Variants in DNAI4 observed in about 807,000 individuals in gnomAD.
DNAI4 encodes dynein axonemal intermediate chain 4.
A neutral mutation model predicts 105.8 loss-of-function variants in DNAI4; 85 were observed. The ratio of observed to expected loss-of-function variants is 0.80; its 90% CI spans 0.67 to 0.96. DNAI4 has a LOEUF of 0.96. Ranked by LOEUF, DNAI4 falls within the 40% of genes least tolerant of loss-of-function variation. The pLI is 0.00. For missense variants in DNAI4, 1,014 were observed against 1,005.6 expected (o/e 1.01, Z -0.11); for synonymous variants, 352 against 331.5 (o/e 1.06, Z -0.67).
chr1:66,832,253 T>G (rs1000987114), intron 13 of DNAI4, among the ~76,000 whole-genome samples: 1 of 152,208 alleles, frequency 6.6e-6, no homozygotes, highest in Non-Finnish European at 1.5e-5. Context: ...AGATCTGAAC[T>G]ACATTAGCAA....
In DNAI4 at chr1:66,836,206, AAGAGAGAGAGAGAG is replaced by A. The variant is rs1219534466; in HGVS notation, c.1582-443_1582-430del. On this transcript the variant is annotated intron_variant, in intron 10 of 16. Transcript: ENST00000371026. ...AAAGAAAGAAAGAAAGAAAGAAAGA[AAGAGAGAGAGAGAG>A]AGAGAGAGAGAGAGAAAGAAAGAAA... Among the ~76,000 whole-genome samples, 64 of 17,012 alleles carry A rather than the reference AAGAGAGAGAGAGAG, an allele frequency of 3.8e-3. 3 individuals are homozygous for A. The highest frequency in any genetic ancestry group is 9.8e-3 in the African/African-American group (57 of 5,820). 11.2% of individuals were successfully genotyped at this position (17,012 alleles called of 152,430 possible).
At chr1:66,905,717 G>A (rs182475293) in intron 1 of DNAI4, among the ~76,000 whole-genome samples, 19 of 152,156 alleles carry the variant, frequency 1.2e-4, no homozygotes, top group African/African-American at 4.6e-4. Flanking sequence ...TAGTTTCTTT[G>A]TCTGCAAAAT....
rs1296764624 is a variant in DNAI4, at chr1:66,856,490, A to AT, written c.1096+5656dup. Among the ~76,000 whole-genome samples the AT allele has an allele frequency of 3.3e-5, 5 of 152,034 alleles. No individual in the cohort carries two copies. In the East Asian group the frequency reaches 9.7e-4, roughly 29 times the overall value. On this transcript the variant is annotated intron_variant, in intron 7 of 16. Transcript: ENST00000371026. ...TCCGTCTCAAAAAAATAAAATAAAA[A>AT]TAAAAAAAAATTCTTATAAAATAGT... is the stretch of plus-strand genomic sequence containing the variant.
intron 1 of DNAI4, among the ~76,000 whole-genome samples, chr1:66,915,685 T>C (rs1034760658): frequency 6.6e-6 from 1 of 151,988 alleles, no homozygotes; most frequent in Non-Finnish European, 1.5e-5. Flanking sequence ...GTGAACAAGT[T>C]TTGTCTAATT....
In DNAI4 at chr1:66,822,424, G is replaced by A. The variant is rs1230191580; in HGVS notation, c.2433C>T (p.Asp811=). ...AKQTDCLLVG[D]SDGQVSVYEL... ...CATACACAGAAACCTGTCCATCACT[G>A]TCTCCTACCAGAAGGCAATCTGTTT... is the stretch of plus-strand genomic sequence containing the variant. Residue 811 remains aspartate, a synonymous_variant, in exon 16 of 17, where the codon GAC becomes GAT. Coordinates refer to ENST00000371026, the MANE Select transcript of DNAI4 (RefSeq NM_024763.5). The A allele has an allele frequency of 6.2e-7, 1 of 1,613,420 alleles. No homozygotes were observed. The highest frequency in any genetic ancestry group is 1.3e-5 in the African/African-American group (1 of 74,884).
intron 4 of DNAI4, among the ~76,000 whole-genome samples, chr1:66,889,669 G>GA (rs111547449): frequency 6.6e-6 from 1 of 151,884 alleles, no homozygotes; most frequent in Non-Finnish European, 1.5e-5. Context: ...CATTTTAAAG[G>GA]AAAAAAATCC....
At chr1:66,884,344 G>C (rs934125658) in intron 4 of DNAI4, among the ~76,000 whole-genome samples, 1 of 152,162 alleles carries the variant, frequency 6.6e-6, no homozygotes, top group Non-Finnish European at 1.5e-5. Context: ...CCCAGAAGTA[G>C]GATTGCTGGA....
chr1:66,917,751 T>C (rs1232714013), intron 1 of DNAI4, among the ~76,000 whole-genome samples: 4 of 152,266 alleles, frequency 2.6e-5, no homozygotes, highest in Non-Finnish European at 5.9e-5. Context: ...TCTTAACTTA[T>C]GGTAATACAG....
rs372420835 is a variant in DNAI4, at chr1:66,899,432, ATTAT to A, written c.345+5765_345+5768del. Reference sequence around the variant, plus strand: ...GAGCATTCAGATTGTATGATGAATAATTATTTGTCTTTATTAATGAATTGTAAGA... The same window carrying A: ...GAGCATTCAGATTGTATGATGAATAATTGTCTTTATTAATGAATTGTAAGA... On this transcript the variant is annotated intron_variant, in intron 2 of 16. Transcript: ENST00000371026. 2.0e-3 allele frequency among the ~76,000 whole-genome samples: 303 copies of A among 152,324 alleles called. 10 individuals carry two copies. In the South Asian group the frequency reaches 0.058, roughly 29 times the overall value.
intron 6 of DNAI4, among the ~76,000 whole-genome samples, chr1:66,869,486 T>A (rs1646797214): frequency 6.6e-6 from 1 of 152,174 alleles, no homozygotes; most frequent in African/African-American, 2.4e-5. Flanking sequence ...TTACATACAG[T>A]AATCCATTTA....
chr1:66,823,773 A>C (rs999053406), intron 15 of DNAI4, among the ~76,000 whole-genome samples: 28 of 148,750 alleles, frequency 1.9e-4, no homozygotes, highest in African/African-American at 6.7e-4. Flanking sequence ...TTTTTCTTGT[A>C]AATTTGTTTG....
intron 2 of DNAI4, among the ~76,000 whole-genome samples, chr1:66,895,636 T>C (rs929502465): frequency 2.0e-5 from 3 of 152,202 alleles, no homozygotes; most frequent in African/African-American, 4.8e-5. Flanking sequence ...AAAAGGGGGC[T>C]CTTTTTTGAA....
chr1:66,837,364 CAAAAAA>C (rs529364212), intron 10 of DNAI4, among the ~76,000 whole-genome samples: 5 of 82,564 alleles, frequency 6.1e-5, no homozygotes, highest in Admixed American at 1.4e-4. Flanking sequence ...GACTCTGTCT[CAAAAAA>C]AAAAAAAAAA....
chr1:66,824,523 G>C (rs1645707790), intron 15 of DNAI4, among the ~76,000 whole-genome samples: 1 of 151,866 alleles, frequency 6.6e-6, no homozygotes, highest in South Asian at 2.1e-4. Flanking sequence ...TCTCGATATT[G>C]ATTCTTCCTA....
chr1:66,825,165 T>C (rs1000249567), intron 15 of DNAI4, among the ~76,000 whole-genome samples: 2 of 140,014 alleles, frequency 1.4e-5, no homozygotes, highest in Admixed American at 7.3e-5. Context: ...ATAATAACTG[T>C]CTTTTTTTTT....
At chr1:66,829,637 C>G (rs1645827124) in intron 13 of DNAI4, among the ~76,000 whole-genome samples, 1 of 152,072 alleles carries the variant, frequency 6.6e-6, no homozygotes, top group South Asian at 2.1e-4. Context: ...ACTTTATTAC[C>G]TCTTTCTCAA....
chr1:66,907,373 A>G (rs1649339120), intron 1 of DNAI4, among the ~76,000 whole-genome samples: 2 of 152,178 alleles, frequency 1.3e-5, no homozygotes, highest in African/African-American at 4.8e-5. Context: ...TTAATCCACA[A>G]TTTATCAATT....
chr1:66,893,976 C>T (rs1648087613), intron 2 of DNAI4, among the ~76,000 whole-genome samples: 1 of 152,130 alleles, frequency 6.6e-6, no homozygotes. Context: ...CTCGTATAAA[C>T]AAACCTACTG....
At chr1:66,825,212 G>T (rs1297446597) in intron 15 of DNAI4, among the ~76,000 whole-genome samples, 10 of 120,416 alleles carry the variant, frequency 8.3e-5, no homozygotes, top group Non-Finnish European at 1.3e-4. Flanking sequence ...TCGCTCTGTC[G>T]CCCAGGCGGG....
Sources: gnomAD v4.1 joint callset for allele counts (sites outside exome capture counted in the v4.1 genomes callset) on GRCh38, gnomAD v4.1.1 for gene constraint, MANE v1.5 for transcripts, NCBI Gene and HGNC (gene_info 2026-07-23, HGNC 2026-07-21) for gene names.